The following LIN28B variants were observed in gnomAD, a reference collection of about 807,000 sequenced individuals.
The protein encoded by LIN28B is lin-28 RNA binding posttranscriptional regulator B, also known as protein lin-28 homolog B.
Under a neutral mutation model 21.9 loss-of-function variants are expected in LIN28B, and 5 were observed. The observed-to-expected ratio is 0.23, with a 90% CI of 0.12 to 0.48. The LOEUF (loss-of-function observed/expected upper bound fraction) is 0.48, where lower values mean the gene tolerates loss of function less well. Among genes scored for constraint, LIN28B ranks in the 20% least tolerant of loss-of-function variants. LIN28B has a pLI of 0.98. For missense variants in LIN28B, 245 were observed against 310.5 expected (o/e 0.79, Z 1.58); for synonymous variants, 109 against 111.3 (o/e 0.98, Z 0.13).
chr6:104,998,904 T>C (rs1770666029), intron 2 of LIN28B, among the ~76,000 whole-genome samples: 1 of 152,158 alleles, frequency 6.6e-6, no homozygotes, highest in Admixed American at 6.5e-5. Context: ...TAGACTTAAA[T>C]AGCTTGTAGA....
chr6:105,001,045 A>G (rs1476664839), intron 2 of LIN28B, among the ~76,000 whole-genome samples: 1 of 152,236 alleles, frequency 6.6e-6, no homozygotes, highest in Admixed American at 6.5e-5. Context: ...TTTTAAAATC[A>G]TCTTGTTAGA....
chr6:105,047,320 A>T (rs938798417), intron 3 of LIN28B, among the ~76,000 whole-genome samples: 1 of 152,096 alleles, frequency 6.6e-6, no homozygotes, highest in African/African-American at 2.4e-5. Flanking sequence ...CAAAGATCAG[A>T]TGGTTGTAGA....
intron 2 of LIN28B, among the ~76,000 whole-genome samples, chr6:104,964,843 A>G (rs1769824186): frequency 6.6e-6 from 1 of 152,220 alleles, no homozygotes; most frequent in African/African-American, 2.4e-5. Context: ...CTTTTCCAAT[A>G]TCTAAATATT....
intron 2 of LIN28B, among the ~76,000 whole-genome samples, chr6:104,948,538 A>C (rs141835153): frequency 6.6e-6 from 1 of 152,324 alleles, no homozygotes; most frequent in East Asian, 1.9e-4. Flanking sequence ...TGGAGTATTC[A>C]TGCATTTGAA....
chr6:105,051,477 T>C (rs1771902638), intron 3 of LIN28B, among the ~76,000 whole-genome samples: 1 of 150,988 alleles, frequency 6.6e-6, no homozygotes, highest in South Asian at 2.1e-4. Flanking sequence ...CCACGACAAC[T>C]GTTTGTAATT....
intron 2 of LIN28B, among the ~76,000 whole-genome samples, chr6:105,023,672 GTAT>G (rs968875062): frequency 5.6e-5 from 4 of 70,948 alleles, no homozygotes; most frequent in Non-Finnish European, 1.0e-4. Context: ...TTTTTGCCAA[GTAT>G]TATGAAACTA....
chr6:104,997,999 T>C (rs186020232), intron 2 of LIN28B, among the ~76,000 whole-genome samples: 325 of 152,342 alleles, frequency 2.1e-3, no homozygotes, highest in Non-Finnish European at 3.5e-3. Context: ...GCCTTATTGT[T>C]GAAAGATTGT....
upstream of LIN28B, among the ~76,000 whole-genome samples, chr6:104,956,061 T>C (rs1214485769): frequency 6.6e-6 from 1 of 152,144 alleles, no homozygotes; most frequent in Non-Finnish European, 1.5e-5. Flanking sequence ...TAGTGGACTT[T>C]TAAAATGTCA....
intron 2 of LIN28B, among the ~76,000 whole-genome samples, chr6:105,025,922 AATTT>A (rs1385766933): frequency 3.9e-5 from 6 of 152,104 alleles, no homozygotes; most frequent in Admixed American, 1.3e-4. Flanking sequence ...TTATATTAAT[AATTT>A]ATTTAATCAG....
chr6:105,010,203 A>AC (rs1770894158), intron 2 of LIN28B, among the ~76,000 whole-genome samples: 1 of 151,634 alleles, frequency 6.6e-6, no homozygotes. Context: ...AAAAAAAAAA[A>AC]CACACAAAAA....
At chr6:105,037,231 A>ATAC (rs1013718318) in intron 3 of LIN28B, among the ~76,000 whole-genome samples, 2 of 152,106 alleles carry the variant, frequency 1.3e-5, no homozygotes, top group African/African-American at 4.8e-5. Context: ...TTCCACTGAA[A>ATAC]TACTAGTTCT....
rs1778144205 is a variant in LIN28B at position 104,945,301 on chromosome 6, T to A, written c.19-5160T>A. Among the ~76,000 whole-genome samples the A allele has an allele frequency of 2.0e-5, 3 of 152,208 alleles. No homozygotes were observed. In the East Asian group the frequency reaches 5.8e-4, roughly 29 times the overall value. On this transcript the variant is annotated intron_variant, in intron 2 of 5. Coordinates refer to the LIN28B transcript ENST00000635857. ...CCCAGTGTTGTAAGGATGAGTAACT[T>A]GTAAAGTGTCTCTTTATCTTTATTA...
intron 2 of LIN28B, among the ~76,000 whole-genome samples, chr6:105,015,897 A>C (rs570110262): frequency 2.0e-5 from 3 of 152,300 alleles, no homozygotes; most frequent in African/African-American, 7.2e-5. Context: ...AAAGCTTACT[A>C]TGGGGAGTAT....
chr6:105,008,341 A>G (rs1457519763), intron 2 of LIN28B, among the ~76,000 whole-genome samples: 1 of 152,112 alleles, frequency 6.6e-6, no homozygotes, highest in African/African-American at 2.4e-5. Flanking sequence ...GACAATTTTT[A>G]TTTTCATAAA....
At chr6:105,030,760 C>T (rs1385497654) in intron 3 of LIN28B, among the ~76,000 whole-genome samples, 1 of 151,546 alleles carries the variant, frequency 6.6e-6, no homozygotes, top group Admixed American at 6.6e-5. Context: ...CTGTGCCTGG[C>T]TAATTTTGTA....
At chr6:105,040,531 A>T (rs1295239417) in intron 3 of LIN28B, among the ~76,000 whole-genome samples, 1 of 151,994 alleles carries the variant, frequency 6.6e-6, no homozygotes, top group Non-Finnish European at 1.5e-5. Context: ...GTATACTAGT[A>T]TATACCTGAT....
intron 2 of LIN28B, chr6:104,950,393 A>G (rs1358258447): frequency 1.2e-6 from 1 of 831,298 alleles, no homozygotes; most frequent in South Asian, 6.1e-5. Flanking sequence ...TCTAATGGCC[A>G]TTAGGATGAA....
intron 2 of LIN28B, among the ~76,000 whole-genome samples, chr6:105,001,721 A>G (rs1770724680): frequency 6.6e-6 from 1 of 152,212 alleles, no homozygotes; most frequent in Non-Finnish European, 1.5e-5. Context: ...TGAAAATATC[A>G]TAGAAATGAA....
intron 3 of LIN28B, among the ~76,000 whole-genome samples, chr6:105,031,659 G>A (rs989042376): frequency 7.9e-5 from 12 of 151,394 alleles, no homozygotes; most frequent in Admixed American, 6.6e-5. Context: ...TCAGCCTCCC[G>A]AGTAGCCGGG....
Sources: allele counts gnomAD v4.1 joint callset (sites outside exome capture counted in the v4.1 genomes callset), GRCh38; gene constraint gnomAD v4.1.1; transcripts MANE v1.5; gene names NCBI Gene and HGNC (gene_info 2026-07-23, HGNC 2026-07-21).